Variants in ZNF182 observed in about 807,000 individuals in gnomAD.
The protein encoded by ZNF182 is zinc finger protein 21 (KOX 14).
In ZNF182, 10 loss-of-function variants were observed where a neutral mutation model predicts 28.1. That is an observed-to-expected ratio of 0.36 (90% CI 0.22 to 0.60). The LOEUF is 0.60. Ranked by LOEUF, ZNF182 falls within the 20% of genes least tolerant of loss-of-function variation. ZNF182 has a pLI of 0.75. For synonymous variants in ZNF182, 156 were observed against 158.7 expected (o/e 0.98, Z 0.13); for missense variants, 352 against 453.2 (o/e 0.78, Z 2.03).
At chrX:47,986,899 G>A (rs1430087131) in intron 3 of ZNF182, among the ~76,000 whole-genome samples, 3 of 112,076 alleles carry the variant, frequency 2.7e-5, no homozygotes, top group Admixed American at 9.4e-5. Context: ...ACTTTTAGAC[G>A]TATACCAGTG....
intron 3 of ZNF182, among the ~76,000 whole-genome samples, chrX:47,983,966 T>C (rs1455466106): frequency 2.7e-5 from 3 of 111,651 alleles, no homozygotes; most frequent in African/African-American, 9.8e-5. Flanking sequence ...AAGACAAGTG[T>C]TATAAGATCA....
At chrX:47,979,800 G>A (rs1251842277) in intron 5 of ZNF182, among the ~76,000 whole-genome samples, 7 of 110,007 alleles carry the variant, frequency 6.4e-5, no homozygotes, top group Non-Finnish European at 1.3e-4. Context: ...GGAAAAACTG[G>A]GTGATGCTGG....
At chrX:47,999,664 TAAC>T (rs1171308776) in intron 3 of ZNF182, among the ~76,000 whole-genome samples, 2 of 111,573 alleles carry the variant, frequency 1.8e-5, no homozygotes, top group African/African-American at 3.3e-5. Flanking sequence ...TGACCATAAT[TAAC>T]AACAATTTAG....
Position 47,982,933 on chromosome X carries a change from T to C in ZNF182, c.232+16A>G. On this transcript the variant is annotated intron_variant, in intron 5 of 5. Transcript: ENST00000376943. ...GAACTTCATGTCCCCAGAGCCTGGG[T>C]CAAAATTCCACTTACCTGGAAAGTT... 2 of 1,205,006 alleles carry C rather than the reference T, an allele frequency of 1.7e-6. No homozygotes were observed. Among genetic ancestry groups the C allele is most frequent in the Non-Finnish European group, 2.2e-6 (2 of 889,682 alleles).
In ZNF182 at chrX:47,995,424, A is replaced by C. The variant is rs143247191; in HGVS notation, c.15+7171T>G. On this transcript the variant is annotated intron_variant, in intron 3 of 5. Coordinates refer to ENST00000376943, the MANE Select transcript of ZNF182 (RefSeq NM_001007088.2). ...AATTGATGGACCCAACACAACAGAG[A>C]TATCAGAGAAAAGAGCAAGTAAACT... Among the ~76,000 whole-genome samples the C allele has an allele frequency of 8.5e-3, 955 of 112,350 alleles. 13 individuals are homozygous for C. The highest frequency in any genetic ancestry group is 0.03 in the African/African-American group (920 of 30,953).
rs782164579 is a variant in ZNF182 at position 47,977,366 on chromosome X, T to C, written c.664A>G (p.Lys222Glu). 1 of 1,206,954 alleles carries C rather than the reference T, an allele frequency of 8.3e-7. No individual in the cohort carries two copies. Among genetic ancestry groups the C allele is most frequent in the Admixed American group, 2.2e-5 (1 of 45,084 alleles). ...AGGTGTGACTTCTTGCTGAAGGTTT[T>C]CCTACATGCAGTACATTCAAAGGGT... ...EKPFECTACR[K>E]TFSKKSHLIV... Residue 222 changes from lysine (K) to glutamate (E), a missense_variant, in exon 6 of 6, where the codon AAA becomes GAA. Transcript: ENST00000376943.
intron 3 of ZNF182, among the ~76,000 whole-genome samples, chrX:47,993,184 C>A (rs1556900660): frequency 1.8e-5 from 2 of 112,443 alleles, no homozygotes. Flanking sequence ...AGAAACCTCT[C>A]AATGGCAGGG....
chrX:47,983,639 C>T (rs1173224657), intron 3 of ZNF182, among the ~76,000 whole-genome samples: 1 of 111,640 alleles, frequency 9.0e-6, no homozygotes, highest in African/African-American at 3.3e-5. Context: ...CAAGGACAGA[C>T]AAACAGTCCA....
intron 5 of ZNF182, among the ~76,000 whole-genome samples, chrX:47,978,794 T>TA (rs1260043498): frequency 8.9e-6 from 1 of 112,720 alleles, no homozygotes; most frequent in Non-Finnish European, 1.9e-5. Context: ...CTATATAACT[T>TA]AAATTTTTAT....
intron 3 of ZNF182, 152 bp downstream of exon 3, chrX:48,002,443 T>C: frequency 2.6e-6 from 2 of 777,327 alleles, no homozygotes; most frequent in Non-Finnish European, 3.9e-6. Flanking sequence ...TGCACACCTC[T>C]ACATTCTAAT....
intron 5 of ZNF182, among the ~76,000 whole-genome samples, chrX:47,979,867 GTGT>G (rs1157648915): frequency 2.0e-4 from 2 of 9,782 alleles, no homozygotes; most frequent in African/African-American, 4.7e-4. Context: ...TGTGTGTGGG[GTGT>G]GTGTGTGTGT....
intron 5 of ZNF182, among the ~76,000 whole-genome samples, chrX:47,980,489 A>C (rs1416983535): frequency 5.3e-5 from 6 of 112,210 alleles, no homozygotes; most frequent in Admixed American, 9.5e-5. Context: ...TGATGTGATG[A>C]ATATACTAAT....
In ZNF182 at chrX:47,999,947, C is replaced by T. The variant is rs201907328; in HGVS notation, c.15+2648G>A. ...GGTCAGCAGTTCGAGACCAGCCTGC[C>T]CAACATGGTGAAACCCCGTCTCTAC... is the stretch of plus-strand genomic sequence containing the variant. On this transcript the variant is annotated intron_variant, in intron 3 of 5. Transcript: ENST00000376943. 6.3e-5 allele frequency among the ~76,000 whole-genome samples: 7 copies of T among 110,881 alleles called. No individual in the cohort carries two copies. The East Asian group carries it at 2.0e-3, about 32-fold the overall frequency.
chrX:47,977,539 T>C lies in ZNF182; in HGVS notation c.491A>G (p.Tyr164Cys). 8.3e-7 allele frequency: 1 copy of C among 1,208,188 alleles called. No homozygotes were observed. Among genetic ancestry groups the C allele is most frequent in the South Asian group, 1.8e-5 (1 of 55,891 alleles). The change falls in exon 6 of 6, where the codon TAT (tyrosine) becomes TGT (cysteine). Residue 164 changes from tyrosine to cysteine, a missense_variant. Tyr to Cys is a radical substitution (Grantham distance 194, BLOSUM62 -2). Transcript: ENST00000376943. Reference protein sequence around the residue: ...LFSRSSAENKYDNGCAKLFFH... With the variant: ...LFSRSSAENKCDNGCAKLFFH... The stretch of plus-strand genomic sequence containing the variant: ...GAACAATTTTGCACATCCATTATCA[T>C]ATTTATTTTCTGCAGAACTTCTACT...
Position 47,993,472 on chromosome X carries a change from G to A in ZNF182, c.15+9123C>T, listed in dbSNP as rs782379052. On this transcript the variant is annotated intron_variant, in intron 3 of 5. Transcript: ENST00000376943. ...CACAGGTAGCCTGGGCACCCCACTC[G>A]TGGCTGGCATCTGAAGTGGAGGTAG... Among the ~76,000 whole-genome samples, 5 of 112,130 alleles carry A rather than the reference G, an allele frequency of 4.5e-5. No homozygotes were observed. The South Asian group carries it at 1.5e-3, about 33-fold the overall frequency.
intron 3 of ZNF182, among the ~76,000 whole-genome samples, chrX:47,985,134 T>A (rs1556899657): frequency 8.9e-6 from 1 of 112,013 alleles, no homozygotes; most frequent in Non-Finnish European, 1.9e-5. Flanking sequence ...TACATGAACA[T>A]TTATATAGCA....
Position 48,002,579 on chromosome X carries a change from C to T in ZNF182, c.15+16G>A, listed in dbSNP as rs1556902034. 3.3e-6 allele frequency: 4 copies of T among 1,210,775 alleles called. No individual in the cohort carries two copies. The African/African-American group carries it at 6.9e-5, about 21-fold the overall frequency. The stretch of plus-strand genomic sequence containing the variant: ...ACAGTAAAATAGAGGAATGAAGAAA[C>T]AGACAACATACTTACCTGGGGTTTG... On this transcript the variant is annotated intron_variant, in intron 3 of 5. Transcript: ENST00000376943.
intron 3 of ZNF182, among the ~76,000 whole-genome samples, chrX:47,998,437 T>C (rs139907967): frequency 0.014 from 1,563 of 111,956 alleles, 27 homozygotes; most frequent in African/African-American, 0.048. Context: ...TACTTGAAAA[T>C]TAAACATCAT....
chrX:47,992,359 C>G (rs1376729196), intron 3 of ZNF182, among the ~76,000 whole-genome samples: 1 of 111,460 alleles, frequency 9.0e-6, no homozygotes, highest in Non-Finnish European at 1.9e-5. Flanking sequence ...TAAATGTGGT[C>G]GACTCAGATA....
Sources: gnomAD v4.1 joint callset for allele counts (sites outside exome capture counted in the v4.1 genomes callset) on GRCh38, gnomAD v4.1.1 for gene constraint, MANE v1.5 for transcripts, NCBI Gene and HGNC (gene_info 2026-07-23, HGNC 2026-07-21) for gene names.